PDE1A: variants seen among roughly 807,000 people sequenced by gnomAD.
PDE1A encodes phosphodiesterase 1A.
PDE1A carries 35 observed loss-of-function variants against 61.7 expected under a neutral mutation model. That is an observed-to-expected ratio of 0.57 (90% CI 0.43 to 0.75). PDE1A has a LOEUF of 0.75. Ranked by LOEUF, PDE1A falls within the 30% of genes least tolerant of loss-of-function variation. The probability of loss-of-function intolerance (pLI) is 0.00; values close to 1 mark genes in which losing one functional copy is unlikely to be tolerated. For missense variants in PDE1A, 597 were observed against 630.6 expected (o/e 0.95, Z 0.57); for synonymous variants, 232 against 213.2 (o/e 1.09, Z -0.77).
At chr2:182,477,442 A>C (rs1356864685) in intron 2 of PDE1A, among the ~76,000 whole-genome samples, 3 of 151,930 alleles carry the variant, frequency 2.0e-5, no homozygotes, top group Non-Finnish European at 4.4e-5. Context: ...AAATGAAGAA[A>C]TTGAGGCTCA....
chr2:182,141,102 A>G (rs1026160882), exon 15 of PDE1A: 9 of 152,156 alleles, frequency 5.9e-5, no homozygotes, highest in African/African-American at 2.2e-4. Flanking sequence ...ATAGATCTTA[A>G]AGTACTAATA....
chr2:182,480,911 C>T (rs573828578), intron 2 of PDE1A, among the ~76,000 whole-genome samples: 1 of 151,906 alleles, frequency 6.6e-6, no homozygotes, highest in Non-Finnish European at 1.5e-5. Context: ...GGAGTCAAAA[C>T]GGGTACTTTG....
intron 1 of PDE1A, among the ~76,000 whole-genome samples, chr2:182,299,042 A>G (rs1193153254): frequency 6.6e-6 from 1 of 152,116 alleles, no homozygotes; most frequent in Non-Finnish European, 1.5e-5. Context: ...GTCCCCTTGT[A>G]GAAGAATCCT....
intron 2 of PDE1A, among the ~76,000 whole-genome samples, chr2:182,495,684 A>G (rs1186862501): frequency 6.6e-6 from 1 of 152,172 alleles, no homozygotes; most frequent in Non-Finnish European, 1.5e-5. Context: ...CTGAGCTGCT[A>G]CAGTCAGCAG....
At chr2:182,218,306 T>C (rs1390908548) in intron 7 of PDE1A, among the ~76,000 whole-genome samples, 2 of 147,552 alleles carry the variant, frequency 1.4e-5, no homozygotes, top group Non-Finnish European at 3.0e-5. Flanking sequence ...CATTGGGAGA[T>C]ATACCTAATG....
At chr2:182,154,270 GT>G (rs1353043094) in intron 13 of PDE1A, among the ~76,000 whole-genome samples, 2 of 152,122 alleles carry the variant, frequency 1.3e-5, no homozygotes, top group Non-Finnish European at 2.9e-5. Context: ...GATTGAATTT[GT>G]TTTGATGATG....
intron 1 of PDE1A, among the ~76,000 whole-genome samples, chr2:182,364,495 A>AAAAAAAAAAAAC: frequency 6.9e-6 from 1 of 145,304 alleles, no homozygotes; most frequent in Non-Finnish European, 1.5e-5. Flanking sequence ...AAAAAAAAAA[A>AAAAAAAAAAAAC]AAAACCTTAT....
At chr2:182,483,833 T>C (rs919050557) in intron 2 of PDE1A, among the ~76,000 whole-genome samples, 1 of 151,934 alleles carries the variant, frequency 6.6e-6, no homozygotes, top group Non-Finnish European at 1.5e-5. Context: ...AAACCAAAAG[T>C]TAGCTTATTG....
At chr2:182,180,555 T>G (rs1239699359) in intron 13 of PDE1A, among the ~76,000 whole-genome samples, 2 of 152,186 alleles carry the variant, frequency 1.3e-5, no homozygotes, top group Non-Finnish European at 2.9e-5. Flanking sequence ...ATCTGAAAAT[T>G]ACGTGTCCTG....
chr2:182,702,357 C>A, the PDE1A span, among the ~76,000 whole-genome samples: 1 of 152,178 alleles, frequency 6.6e-6, no homozygotes, highest in Non-Finnish European at 1.5e-5. Flanking sequence ...CCCACCTCGG[C>A]CTCCCAAAGT....
At chr2:182,689,286 C>G in the PDE1A span, among the ~76,000 whole-genome samples, 1 of 152,166 alleles carries the variant, frequency 6.6e-6, no homozygotes, top group African/African-American at 2.4e-5. Flanking sequence ...AAGTAAAGCA[C>G]TCCTCAGCAA....
chr2:182,620,643 A>G, the PDE1A span, among the ~76,000 whole-genome samples: 2 of 152,240 alleles, frequency 1.3e-5, no homozygotes, highest in African/African-American at 2.4e-5. Flanking sequence ...CAAGAATAAT[A>G]AGATTTATGT....
chr2:182,326,027 GA>G (rs1164713558), intron 1 of PDE1A, among the ~76,000 whole-genome samples: 1 of 152,112 alleles, frequency 6.6e-6, no homozygotes, highest in Non-Finnish European at 1.5e-5. Context: ...GAACATATGA[GA>G]AGACACTTAG....
intron 1 of PDE1A, among the ~76,000 whole-genome samples, chr2:182,361,079 C>T (rs1397983675): frequency 2.6e-5 from 4 of 151,926 alleles, no homozygotes; most frequent in Non-Finnish European, 2.9e-5. Context: ...ACACACCGGC[C>T]GAAACTAAGG....
intron 1 of PDE1A, among the ~76,000 whole-genome samples, chr2:182,421,418 G>A (rs1186152204): frequency 6.6e-6 from 1 of 152,066 alleles, no homozygotes; most frequent in African/African-American, 2.4e-5. Context: ...ATTTAATACT[G>A]CCTCATGGAG....
At chr2:182,326,444 C>T (rs1697053099) in intron 1 of PDE1A, among the ~76,000 whole-genome samples, 1 of 152,076 alleles carries the variant, frequency 6.6e-6, no homozygotes. Flanking sequence ...AAATATTATG[C>T]TATGTAAAAT....
At chr2:182,601,539 G>A in the PDE1A span, among the ~76,000 whole-genome samples, 1 of 152,204 alleles carries the variant, frequency 6.6e-6, no homozygotes, top group African/African-American at 2.4e-5. Context: ...CATTTGGTGG[G>A]CCCCAAGTTC....
At chr2:182,372,690 A>C (rs1700183100) in intron 1 of PDE1A, among the ~76,000 whole-genome samples, 1 of 152,224 alleles carries the variant, frequency 6.6e-6, no homozygotes, top group African/African-American at 2.4e-5. Flanking sequence ...TCTCAGGTCC[A>C]AATTCCAAAG....
At chr2:182,640,966 G>C in the PDE1A span, among the ~76,000 whole-genome samples, 1 of 120,980 alleles carries the variant, frequency 8.3e-6, no homozygotes, top group Admixed American at 1.1e-4. Context: ...GTTGCAGTGA[G>C]CCGAGATCAC....
Sources: gnomAD v4.1 joint callset for allele counts (sites outside exome capture counted in the v4.1 genomes callset) on GRCh38, gnomAD v4.1.1 for gene constraint, MANE v1.5 for transcripts, NCBI Gene and HGNC (gene_info 2026-07-23, HGNC 2026-07-21) for gene names.